QTGAL: variants seen among roughly 807,000 people sequenced by gnomAD.
The protein encoded by QTGAL is queuosine-tRNA galactosyltransferase.
the QTGAL span, among the ~76,000 whole-genome samples, chr17:83,040,709 T>C: frequency 2.0e-5 from 3 of 152,144 alleles, no homozygotes; most frequent in Admixed American, 2.0e-4. Flanking sequence ...ACCCAGCCAA[T>C]CTGTCAACTG....
chr17:82,952,606 A>C, the QTGAL span, among the ~76,000 whole-genome samples: 3 of 152,198 alleles, frequency 2.0e-5, no homozygotes, highest in African/African-American at 7.2e-5. Context: ...ACCACACAAT[A>C]ATAATGGGAG....
At chr17:83,011,163 G>A in the QTGAL span, among the ~76,000 whole-genome samples, 1 of 152,246 alleles carries the variant, frequency 6.6e-6, no homozygotes, top group African/African-American at 2.4e-5. Flanking sequence ...AGGGTGCACA[G>A]TGTCAGGAAT....
the QTGAL span, among the ~76,000 whole-genome samples, chr17:83,023,024 G>A: frequency 4.4e-5 from 2 of 45,440 alleles, no homozygotes; most frequent in Non-Finnish European, 4.4e-5. Flanking sequence ...CATGAGCTTA[G>A]CACTGTCCCC....
At chr17:83,019,935 C>T in the QTGAL span, among the ~76,000 whole-genome samples, 3 of 152,180 alleles carry the variant, frequency 2.0e-5, no homozygotes, top group African/African-American at 7.2e-5. Context: ...CGTTTCACCA[C>T]GTTGGCCAGG....
At chr17:82,956,614 C>T in the QTGAL span, 1 of 1,409,050 alleles carries the variant, frequency 7.1e-7, no homozygotes, top group South Asian at 1.4e-5. This position sits in a 1 kb window ranked among gnomAD's most constrained non-coding sequence, Gnocchi z 5.7. Context: ...GCCACACAGT[C>T]ATTGCACAGC....
chr17:82,944,417 G>C, the QTGAL span: 2 of 152,236 alleles, frequency 1.3e-5, no homozygotes, highest in African/African-American at 4.8e-5. Context: ...TCACATGATA[G>C]CTGGGGCAGA....
chr17:82,970,560 C>CACCCAGTGTGGACAT, the QTGAL span, among the ~76,000 whole-genome samples: 2 of 86,708 alleles, frequency 2.3e-5, no homozygotes, highest in Non-Finnish European at 4.3e-5. Flanking sequence ...GGCGTGGCCG[C>CACCCAGTGTGGACAT]GACCTCCGCA....
the QTGAL span, among the ~76,000 whole-genome samples, chr17:82,996,406 C>T: frequency 6.6e-6 from 1 of 151,882 alleles, no homozygotes; most frequent in East Asian, 1.9e-4. Flanking sequence ...CCTGTAGTCC[C>T]AGCTGCTCAG....
chr17:83,050,856 A>C, the QTGAL span, among the ~76,000 whole-genome samples: 1 of 150,870 alleles, frequency 6.6e-6, no homozygotes, highest in Non-Finnish European at 1.5e-5. Context: ...TGTGCACGGC[A>C]GGTGCACGGG....
At chr17:83,040,607 T>C in the QTGAL span, among the ~76,000 whole-genome samples, 1 of 152,222 alleles carries the variant, frequency 6.6e-6, no homozygotes, top group Non-Finnish European at 1.5e-5. Context: ...CAGACTGGTG[T>C]AAGATTTCTT....
the QTGAL span, among the ~76,000 whole-genome samples, chr17:83,031,920 C>G: frequency 1.2e-4 from 18 of 152,390 alleles, no homozygotes; most frequent in African/African-American, 4.1e-4. Flanking sequence ...GATGTTCACT[C>G]TCGTCCTCAT....
chr17:82,963,169 A>AAG, the QTGAL span, among the ~76,000 whole-genome samples: 2 of 151,936 alleles, frequency 1.3e-5, no homozygotes, highest in African/African-American at 4.8e-5. Context: ...TGGAGCACCC[A>AAG]GAACTGCCTG....
the QTGAL span, among the ~76,000 whole-genome samples, chr17:83,018,923 C>A: frequency 6.6e-6 from 1 of 152,178 alleles, no homozygotes; most frequent in East Asian, 1.9e-4. Flanking sequence ...GGCCAGGAAT[C>A]GAGGGGCGGA....
chr17:82,946,965 A>C, the QTGAL span: 10 of 1,566,864 alleles, frequency 6.4e-6, no homozygotes, highest in Non-Finnish European at 7.8e-6. Context: ...TTGTCCTCAA[A>C]GGCGCCCCCT....
chr17:82,983,439 G>A, the QTGAL span, among the ~76,000 whole-genome samples: 3,699 of 152,254 alleles, frequency 0.024, 60 homozygotes, highest in African/African-American at 0.049. Context: ...ACCTCCACGT[G>A]GACTCAGTGT....
chr17:82,994,738 A>T, the QTGAL span, among the ~76,000 whole-genome samples: 1 of 152,206 alleles, frequency 6.6e-6, no homozygotes, highest in African/African-American at 2.4e-5. Context: ...ACAAAGACAC[A>T]TAAAAAAATT....
chr17:83,035,965 G>GGTTTGCA, the QTGAL span, among the ~76,000 whole-genome samples: 4 of 140,816 alleles, frequency 2.8e-5, no homozygotes, highest in African/African-American at 8.5e-5. Context: ...TGGGCTGGAC[G>GGTTTGCA]CGTGGTGGGT....
the QTGAL span, among the ~76,000 whole-genome samples, chr17:83,028,973 A>G: frequency 2.0e-5 from 3 of 152,226 alleles, no homozygotes; most frequent in East Asian, 3.8e-4. Context: ...GGAAAGAGAA[A>G]CACGAGGGCA....
chr17:83,031,144 C>T, the QTGAL span, among the ~76,000 whole-genome samples: 1 of 152,260 alleles, frequency 6.6e-6, no homozygotes, highest in Non-Finnish European at 1.5e-5. Context: ...AGAACACAGA[C>T]AACCGAGACG....
Sources: allele counts gnomAD v4.1 joint callset (sites outside exome capture counted in the v4.1 genomes callset), GRCh38; gene constraint gnomAD v4.1.1; non-coding constraint Gnocchi (gnomAD v3.1); transcripts MANE v1.5; gene names NCBI Gene and HGNC (gene_info 2026-07-23, HGNC 2026-07-21).